Variants in CDH13 observed in about 807,000 individuals in gnomAD.
The protein encoded by CDH13 is cadherin 13, also known as cadherin-13.
In CDH13, 24 loss-of-function variants were observed where a neutral mutation model predicts 63.8. The observed-to-expected ratio is 0.38, with a 90% CI of 0.27 to 0.53. CDH13 has a LOEUF of 0.53. Among genes scored for constraint, CDH13 ranks in the 20% least tolerant of loss-of-function variants. CDH13 has a pLI of 0.85. For synonymous variants in CDH13, 503 were observed against 355.3 expected (o/e 1.42, Z -4.67); for missense variants, 1,049 against 903.1 (o/e 1.16, Z -2.07).
At chr16:83,251,252 A>G (rs1417260316) in intron 5 of CDH13, among the ~76,000 whole-genome samples, 1 of 152,316 alleles carries the variant, frequency 6.6e-6, no homozygotes, top group South Asian at 2.1e-4. Flanking sequence ...ATCAACAATG[A>G]TCTCAAAATA....
intron 4 of CDH13, among the ~76,000 whole-genome samples, chr16:83,129,540 T>A (rs569077037): frequency 3.9e-5 from 6 of 152,222 alleles, no homozygotes; most frequent in African/African-American, 1.4e-4. Flanking sequence ...GGGGCTAACT[T>A]TAACATGGTG....
intron 1 of CDH13, among the ~76,000 whole-genome samples, chr16:82,688,277 T>C (rs1470544769): frequency 6.6e-6 from 1 of 152,118 alleles, no homozygotes; most frequent in East Asian, 1.9e-4. Context: ...TCTGGGAACA[T>C]GGTTTCTGAT....
Position 82,926,304 on chromosome 16 carries a change from A to T in CDH13, c.157+67831A>T, listed in dbSNP as rs183629015. ...ATTTCCAAAAAAAAAAAAGAAAAAA[A>T]AAGGCCAGAAGACCATTGTTTTGCA... On this transcript the variant is annotated intron_variant, in intron 2 of 13. Transcript: ENST00000567109. Among the ~76,000 whole-genome samples, 363 of 152,298 alleles carry T rather than the reference A, an allele frequency of 2.4e-3. 2 individuals carry two copies. The highest frequency in any genetic ancestry group is 8.4e-3 in the African/African-American group (349 of 41,572).
At chr16:83,118,011 GTCC>G (rs1243307640) in intron 3 of CDH13, among the ~76,000 whole-genome samples, 1 of 152,200 alleles carries the variant, frequency 6.6e-6, no homozygotes, top group Non-Finnish European at 1.5e-5. Context: ...AGGGATGACA[GTCC>G]TCCTCTAATA....
At chr16:82,653,826 C>G (rs1911002769) in intron 1 of CDH13, among the ~76,000 whole-genome samples, 1 of 152,146 alleles carries the variant, frequency 6.6e-6, no homozygotes, top group Admixed American at 6.5e-5. Context: ...GGATGGGAGA[C>G]AGATGCCTTT....
At chr16:82,777,846 G>A (rs1296446950) in intron 1 of CDH13, among the ~76,000 whole-genome samples, 1 of 152,150 alleles carries the variant, frequency 6.6e-6, no homozygotes, top group Non-Finnish European at 1.5e-5. Context: ...GCTATTGGAT[G>A]GAAGAACCCT....
chr16:83,113,272 C>G (rs1237516791), intron 3 of CDH13, among the ~76,000 whole-genome samples: 1 of 152,208 alleles, frequency 6.6e-6, no homozygotes, highest in Non-Finnish European at 1.5e-5. Context: ...GAAGATTTCT[C>G]TATTAAAGAC....
At chr16:83,581,393 A>G (rs1047007356) in intron 7 of CDH13, among the ~76,000 whole-genome samples, 3 of 152,234 alleles carry the variant, frequency 2.0e-5, no homozygotes, top group African/African-American at 4.8e-5. Context: ...TTCTTCCCAC[A>G]TGCTCCTGCC....
intron 2 of CDH13, among the ~76,000 whole-genome samples, chr16:82,966,913 T>C (rs1443699001): frequency 1.3e-5 from 2 of 152,212 alleles, no homozygotes; most frequent in Admixed American, 1.3e-4. Flanking sequence ...ATCAACACAC[T>C]TAATTTGGAT....
intron 1 of CDH13, among the ~76,000 whole-genome samples, chr16:82,709,438 CA>C (rs1019712070): frequency 6.6e-6 from 1 of 152,142 alleles, no homozygotes; most frequent in Middle Eastern, 3.2e-3. Flanking sequence ...TGGTTCCAAT[CA>C]GGGGCTTGGA....
At chr16:83,775,489 AC>A (rs532386125) in intron 11 of CDH13, among the ~76,000 whole-genome samples, 170 of 152,220 alleles carry the variant, frequency 1.1e-3, no homozygotes, top group African/African-American at 3.8e-3. Context: ...TAGAAGTTAG[AC>A]TTCTCTGATC....
chr16:83,038,311 G>A (rs932527496), intron 3 of CDH13, among the ~76,000 whole-genome samples: 1 of 152,146 alleles, frequency 6.6e-6, no homozygotes, highest in Non-Finnish European at 1.5e-5. Context: ...TGTGAGGTCT[G>A]ATTGTTAATG....
chr16:83,492,253 G>T (rs186726639), intron 7 of CDH13, among the ~76,000 whole-genome samples: 19 of 152,268 alleles, frequency 1.2e-4, no homozygotes, highest in Admixed American at 5.9e-4. Flanking sequence ...GAAAGATAGA[G>T]GTAGTAGTCA....
At chr16:83,239,233 G>C (rs1378702676) in intron 5 of CDH13, among the ~76,000 whole-genome samples, 2 of 152,286 alleles carry the variant, frequency 1.3e-5, no homozygotes, top group South Asian at 4.1e-4. Context: ...TCACTGCAGA[G>C]GGAGAGCAGC....
chr16:82,902,459 T>G (rs1020752461), intron 2 of CDH13, among the ~76,000 whole-genome samples: 3 of 152,028 alleles, frequency 2.0e-5, no homozygotes, highest in Non-Finnish European at 4.4e-5. Flanking sequence ...TGACAAGCAA[T>G]TAAGAAGTCC....
intron 5 of CDH13, among the ~76,000 whole-genome samples, chr16:83,272,146 T>C (rs1772047432): frequency 6.6e-6 from 1 of 152,206 alleles, no homozygotes; most frequent in Non-Finnish European, 1.5e-5. Context: ...TCCTCACCAC[T>C]GGGGATGCAA....
At chr16:83,191,430 G>T (rs981348771) in intron 4 of CDH13, among the ~76,000 whole-genome samples, 9 of 133,186 alleles carry the variant, frequency 6.8e-5, no homozygotes, top group Non-Finnish European at 1.3e-4. Flanking sequence ...ATTAGTCGGG[G>T]TTCTTTAGAA....
chr16:83,280,000 T>C (rs1311492240), intron 5 of CDH13, among the ~76,000 whole-genome samples: 1 of 152,232 alleles, frequency 6.6e-6, no homozygotes, highest in Non-Finnish European at 1.5e-5. Flanking sequence ...ATCTTTTTGC[T>C]GGTAAAGAGT....
chr16:83,368,636 T>C (rs1032731902), intron 6 of CDH13, among the ~76,000 whole-genome samples: 4 of 151,866 alleles, frequency 2.6e-5, no homozygotes, highest in Admixed American at 2.6e-4. Context: ...CAGTGTCCAC[T>C]GTACCCAATG....
Sources: allele counts gnomAD v4.1 joint callset (sites outside exome capture counted in the v4.1 genomes callset), GRCh38; gene constraint gnomAD v4.1.1; transcripts MANE v1.5; gene names NCBI Gene and HGNC (gene_info 2026-07-23, HGNC 2026-07-21).